The following FZR1 variants were observed in gnomAD, a reference collection of about 807,000 sequenced individuals.
FZR1 encodes the protein fizzy-related protein homolog.
In FZR1, 11 loss-of-function variants were observed where a neutral mutation model predicts 63.6. That is an observed-to-expected ratio of 0.17 (90% confidence interval 0.11 to 0.29). The LOEUF (loss-of-function observed/expected upper bound fraction) is 0.29. Ranked by LOEUF, FZR1 falls within the 10% of genes least tolerant of loss-of-function variation. The probability of loss-of-function intolerance (pLI) is 1.00; values close to 1 mark genes in which losing one functional copy is unlikely to be tolerated. For missense variants in FZR1, 440 were observed against 687.5 expected, an observed-to-expected ratio of 0.64 and a Z score of 4.03; for synonymous variants, 328 against 297.9, an observed-to-expected ratio of 1.10 and a Z score of -1.04.
chr19:3,531,552 G>A, intron 8 of FZR1, among the ~76,000 whole-genome samples, 162 bp from the exon 9 acceptor site: 1 of 151,736 alleles, frequency 6.6e-6, no homozygotes, highest in Admixed American at 6.5e-5. Context: ...CATGCACTGA[G>A]GGGGGTTTAT....
rs1028796403 is a variant in FZR1 at position 3,514,374 on chromosome 19, C to T, written c.-35+7900C>T. ...GGTCTCTGCCCTTGCACCCTGTGGA[C>T]ATTGGGGCCGGATCGTTCTCTGGGG... On this transcript the variant is annotated intron_variant, in intron 1 of 13. Coordinates refer to ENST00000441788, the MANE Select transcript of FZR1 (RefSeq NM_016263.4). The surrounding 1 kb of genome is among the most constrained non-coding windows in gnomAD (Gnocchi z 4.2). Among the ~76,000 whole-genome samples the T allele has an allele frequency of 6.6e-6, 1 of 152,198 alleles. No homozygotes were observed. The highest frequency in any genetic ancestry group is 2.4e-5 in the African/African-American group (1 of 41,460).
chr19:3,525,820 C>CG lies in FZR1; in HGVS notation c.70-42dup. 7 of 1,594,484 alleles carry CG rather than the reference C, an allele frequency of 4.4e-6. No individual in the cohort carries two copies. Among genetic ancestry groups the CG allele is most frequent in the Non-Finnish European group, 6.0e-6 (7 of 1,173,806 alleles). On this transcript the variant is annotated intron_variant, in intron 2 of 13. Coordinates refer to ENST00000441788, the MANE Select transcript of FZR1 (RefSeq NM_016263.4). This position sits in a 1 kb window ranked among gnomAD's most constrained non-coding sequence, Gnocchi z 4.2. ...AGAGAGGCTGGCCTGGGGGCACTCT[C>CG]GGGGGGCTCTCGGTGCTGAGAGCAA...
rs1345612297 is a variant in FZR1, at chr19:3,506,361, G to T, written c.-148G>T. The T allele has an allele frequency of 6.6e-6, 1 of 150,692 alleles. No homozygotes were observed. Among genetic ancestry groups the T allele is most frequent in the Non-Finnish European group, 1.5e-5 (1 of 67,566 alleles). 9.3% of individuals were successfully genotyped at this position (150,692 alleles called of 1,614,324 possible). A position where few individuals can be genotyped will look rare whatever the true frequency, so the allele number is the denominator to read the frequency against. ...TAGGGACCGCGGAGCCCGGGATCCC[G>T]TCAGCGGCGGCCGCGGCCGGGCCTG... On this transcript the variant is annotated 5_prime_UTR_variant, in exon 1 of 14. Coordinates refer to ENST00000441788, the MANE Select transcript of FZR1 (RefSeq NM_016263.4).
chr19:3,513,069 T>TGGGAGGGCACCTGGGCC (rs891187495), intron 1 of FZR1, among the ~76,000 whole-genome samples: 3 of 152,082 alleles, frequency 2.0e-5, no homozygotes, highest in African/African-American at 7.2e-5. Context: ...GGGGGCTCTC[T>TGGGAGGGCACCTGGGCC]GGGAGGGCAC....
At position 3,515,241 on chromosome 19, in the gene FZR1, G is replaced by C. The variant is rs1321143974; in HGVS notation, c.-34-7715G>C. Among the ~76,000 whole-genome samples, 1 of 152,212 alleles carries C rather than the reference G, an allele frequency of 6.6e-6. No individual in the cohort carries two copies. The highest frequency in any genetic ancestry group is 2.4e-5 in the African/African-American group (1 of 41,454). On this transcript the variant is annotated intron_variant, in intron 1 of 13. Transcript: ENST00000441788. The surrounding 1 kb of genome is among the most constrained non-coding windows in gnomAD (Gnocchi z 4.6). ...GTCCGGGTTGCTGCTAAACTCCCTC[G>C]ACCCGGTCTGAGCCTTTCCACACGG... is the stretch of plus-strand genomic sequence containing the variant.
chr19:3,511,408 TA>T (rs2083023622), intron 1 of FZR1, among the ~76,000 whole-genome samples: 1 of 152,192 alleles, frequency 6.6e-6, no homozygotes, highest in African/African-American at 2.4e-5. Flanking sequence ...CTATTCACTC[TA>T]GACTGCCTGC....
chr19:3,518,453 A>G (rs1568231396), intron 1 of FZR1, among the ~76,000 whole-genome samples: 1 of 152,214 alleles, frequency 6.6e-6, no homozygotes, highest in African/African-American at 2.4e-5. Context: ...TACAGAAGCC[A>G]CAAAGGCTCC....
intron 1 of FZR1, among the ~76,000 whole-genome samples, chr19:3,511,574 G>A (rs186134256): frequency 6.6e-6 from 1 of 152,294 alleles, no homozygotes; most frequent in African/African-American, 2.4e-5. Flanking sequence ...AGAAAAATAG[G>A]CTGCACACCC....
chr19:3,509,991 G>A (rs977268408), intron 1 of FZR1, among the ~76,000 whole-genome samples: 6 of 152,032 alleles, frequency 3.9e-5, no homozygotes, highest in Admixed American at 1.3e-4. Flanking sequence ...CCGGCTGATC[G>A]TGTCTGATGG....
chr19:3,523,680 C>T (rs1644660521), intron 2 of FZR1, among the ~76,000 whole-genome samples: 1 of 152,264 alleles, frequency 6.6e-6, no homozygotes, highest in African/African-American at 2.4e-5. Flanking sequence ...CTGTGATAGA[C>T]GCCCAAGCCA....
intron 7 of FZR1, 60 bp from the exon 8 acceptor site, chr19:3,530,732 C>G: frequency 1.6e-6 from 2 of 1,261,392 alleles, no homozygotes; most frequent in Non-Finnish European, 2.3e-6. Flanking sequence ...ATGAATGTAC[C>G]CATGGATAGA....
At chr19:3,508,482 C>T (rs1344307129) in intron 1 of FZR1, among the ~76,000 whole-genome samples, 2 of 152,210 alleles carry the variant, frequency 1.3e-5, no homozygotes. Flanking sequence ...CAGGCGTGCG[C>T]CACCGCGCTC....
At chr19:3,512,925 C>G (rs183179581) in intron 1 of FZR1, among the ~76,000 whole-genome samples, 4 of 152,278 alleles carry the variant, frequency 2.6e-5, no homozygotes, top group African/African-American at 9.6e-5. Flanking sequence ...TGAGAGCAGA[C>G]AGCGGATAGC....
chr19:3,519,836 A>T (rs1177149517), intron 1 of FZR1, among the ~76,000 whole-genome samples: 1 of 151,958 alleles, frequency 6.6e-6, no homozygotes, highest in African/African-American at 2.4e-5. Flanking sequence ...GTGCTGGAGG[A>T]TCTGTGTAGA....
rs1317380849 is a variant in FZR1, at chr19:3,514,520, C to T, written c.-35+8046C>T. 6.6e-6 allele frequency among the ~76,000 whole-genome samples: 1 copy of T among 152,098 alleles called. No homozygotes were observed. The highest frequency in any genetic ancestry group is 1.9e-4 in the East Asian group (1 of 5,176). On this transcript the variant is annotated intron_variant, in intron 1 of 13. Transcript: ENST00000441788. The surrounding 1 kb of genome is among the most constrained non-coding windows in gnomAD (Gnocchi z 4.2). ...TCCCCAGACATCACCATATATCATA[C>T]CCTGGGGGCAGAATCACCCTGGTTA...
intron 1 of FZR1, among the ~76,000 whole-genome samples, chr19:3,518,945 C>G (rs2083078866): frequency 6.6e-6 from 1 of 152,252 alleles, no homozygotes; most frequent in Admixed American, 6.5e-5. Context: ...CCCACTACCT[C>G]CTCTGGTAGG....
chr19:3,525,785 C>A lies in FZR1; in HGVS notation c.70-83C>A. On this transcript the variant is annotated intron_variant, in intron 2 of 13. Transcript: ENST00000441788. The surrounding 1 kb of genome is among the most constrained non-coding windows in gnomAD (Gnocchi z 4.2). ...GATCAAAGCCCCCTTTGCTCAGTGG[C>A]CAGAGGCTGAGAGAGGCTGGCCTGG... 1 of 1,520,368 alleles carries A rather than the reference C, an allele frequency of 6.6e-7. No homozygotes were observed. The highest frequency in any genetic ancestry group is 8.9e-7 in the Non-Finnish European group (1 of 1,122,222). The allele number at this position is 1,520,368 out of a possible 1,614,324, so 94.2% of individuals were successfully genotyped here.
chr19:3,526,822 C>A lies in FZR1; in HGVS notation c.388-158C>A, dbSNP rs893123311. On this transcript the variant is annotated intron_variant, in intron 5 of 13. Coordinates refer to ENST00000441788, the MANE Select transcript of FZR1 (RefSeq NM_016263.4). The surrounding 1 kb of genome is among the most constrained non-coding windows in gnomAD (Gnocchi z 5.4). ...CGGGAGGGGTGGGGGGTCCGCAGTC[C>A]CCGCCAGGAAGGCGCCTGCCTTTTT... 6.6e-6 allele frequency among the ~76,000 whole-genome samples: 1 copy of A among 152,194 alleles called. No homozygotes were observed. The highest frequency in any genetic ancestry group is 2.4e-5 in the African/African-American group (1 of 41,450).
intron 8 of FZR1, 74 bp downstream of exon 8, chr19:3,530,931 C>G: frequency 8.3e-7 from 1 of 1,202,848 alleles, no homozygotes; most frequent in Non-Finnish European, 1.2e-6. Flanking sequence ...CCTTGAAGAC[C>G]CAGAGGGTCT....
Sources: gnomAD v4.1 joint callset for allele counts (sites outside exome capture counted in the v4.1 genomes callset) on GRCh38, gnomAD v4.1.1 for gene constraint, Gnocchi (gnomAD v3.1) non-coding constraint, MANE v1.5 for transcripts, NCBI Gene and HGNC (gene_info 2026-07-23, HGNC 2026-07-21) for gene names.